Variants in ZNF438 observed in about 807,000 individuals in gnomAD.
ZNF438 encodes zinc finger protein 438.
Under a neutral mutation model 38.0 loss-of-function variants are expected in ZNF438, and 25 were observed. That is an observed-to-expected ratio of 0.66 (90% CI 0.48 to 0.92). The LOEUF is 0.92. Ranked by LOEUF, ZNF438 falls within the 40% of genes least tolerant of loss-of-function variation. The pLI is 0.00. For synonymous variants in ZNF438, 372 were observed against 364.1 expected (o/e 1.02, Z -0.25); for missense variants, 1,007 against 999.6 (o/e 1.01, Z -0.10).
chr10:31,013,331 TC>T (rs2055899223), intron 1 of ZNF438, among the ~76,000 whole-genome samples: 1 of 145,822 alleles, frequency 6.9e-6, no homozygotes, highest in African/African-American at 2.6e-5. Context: ...AAAAAAAAAA[TC>T]CCCAACTGCA....
intron 5 of ZNF438, among the ~76,000 whole-genome samples, chr10:30,846,082 T>C (rs1298070086): frequency 6.6e-6 from 1 of 152,242 alleles, no homozygotes; most frequent in Admixed American, 6.5e-5. Flanking sequence ...TTCTCCTTTT[T>C]CTTAGACATT....
chr10:30,878,521 C>T (rs1228892792), intron 3 of ZNF438, among the ~76,000 whole-genome samples: 3 of 152,110 alleles, frequency 2.0e-5, no homozygotes, highest in South Asian at 2.1e-4. Context: ...AGCATGACCT[C>T]GTTCTTCTTG....
At chr10:31,028,130 C>G (rs1199660678) in intron 1 of ZNF438, among the ~76,000 whole-genome samples, 1 of 151,786 alleles carries the variant, frequency 6.6e-6, no homozygotes. Context: ...ACCAGATCCC[C>G]TTTCTATGAC....
intron 2 of ZNF438, among the ~76,000 whole-genome samples, chr10:30,926,988 A>G (rs1210399366): frequency 6.6e-6 from 1 of 152,240 alleles, no homozygotes; most frequent in Non-Finnish European, 1.5e-5. Flanking sequence ...AAATAAGGAA[A>G]CAAAGAAATA....
At chr10:30,907,839 CTT>C (rs1480118743) in intron 3 of ZNF438, among the ~76,000 whole-genome samples, 1 of 151,874 alleles carries the variant, frequency 6.6e-6, no homozygotes, top group Non-Finnish European at 1.5e-5. Context: ...GCACTTTCAT[CTT>C]TATTATTTTC....
intron 3 of ZNF438, among the ~76,000 whole-genome samples, chr10:30,880,780 G>A (rs2039136039): frequency 6.6e-6 from 1 of 152,054 alleles, no homozygotes; most frequent in African/African-American, 2.4e-5. Flanking sequence ...CCAACAATAT[G>A]AGAATACGTC....
At chr10:30,874,114 G>GTATATATATATATATATATA (rs58422289) in intron 4 of ZNF438, among the ~76,000 whole-genome samples, 1 of 80,300 alleles carries the variant, frequency 1.2e-5, no homozygotes, top group Non-Finnish European at 2.3e-5. Flanking sequence ...GTGTGTGTGT[G>GTATATATATATATATATATA]TATATATATA....
At chr10:30,887,268 G>C (rs2040069712) in intron 3 of ZNF438, among the ~76,000 whole-genome samples, 3 of 152,178 alleles carry the variant, frequency 2.0e-5, no homozygotes, top group Non-Finnish European at 4.4e-5. Flanking sequence ...CAAAGGCTCT[G>C]GGCCATGCTT....
At chr10:30,972,968 A>T (rs889102498) in intron 1 of ZNF438, among the ~76,000 whole-genome samples, 9 of 152,202 alleles carry the variant, frequency 5.9e-5, no homozygotes, top group African/African-American at 9.7e-5. Flanking sequence ...CATCATCATC[A>T]TCATCATCTT....
chr10:30,975,176 T>C (rs774139774), intron 1 of ZNF438, among the ~76,000 whole-genome samples: 2 of 152,178 alleles, frequency 1.3e-5, no homozygotes, highest in Non-Finnish European at 2.9e-5. Context: ...CCTTCCCCAC[T>C]GTTTCCAAGA....
intron 1 of ZNF438, among the ~76,000 whole-genome samples, chr10:30,985,239 T>C (rs969905335): frequency 6.6e-6 from 1 of 152,132 alleles, no homozygotes; most frequent in African/African-American, 2.4e-5. Flanking sequence ...TGAATGAAGG[T>C]AGAAGAAATA....
chr10:31,023,323 A>T (rs1239071218), intron 1 of ZNF438, among the ~76,000 whole-genome samples: 4 of 152,168 alleles, frequency 2.6e-5, no homozygotes, highest in African/African-American at 4.8e-5. Context: ...ACACACTCCC[A>T]AAAGAGAAAA....
intron 1 of ZNF438, among the ~76,000 whole-genome samples, chr10:30,991,105 C>T (rs183736944): frequency 1.2e-3 from 188 of 152,282 alleles, no homozygotes; most frequent in Non-Finnish European, 1.9e-3. Context: ...CCCACCTTAC[C>T]TCCCCTGCAC....
At chr10:30,993,776 A>G (rs1390002516) in intron 1 of ZNF438, among the ~76,000 whole-genome samples, 1 of 152,244 alleles carries the variant, frequency 6.6e-6, no homozygotes, top group Non-Finnish European at 1.5e-5. Context: ...AGCCACAGGC[A>G]CCCAACTGTA....
chr10:30,946,393 C>A (rs1164465306), intron 1 of ZNF438, among the ~76,000 whole-genome samples: 1 of 152,142 alleles, frequency 6.6e-6, no homozygotes, highest in Admixed American at 6.5e-5. Context: ...AAACTACCAT[C>A]AGAGTGAACA....
chr10:30,979,186 G>A (rs2051803758), intron 1 of ZNF438, among the ~76,000 whole-genome samples: 1 of 152,186 alleles, frequency 6.6e-6, no homozygotes, highest in Admixed American at 6.5e-5. Context: ...TCACCCAACA[G>A]CTCTAATGGA....
At chr10:30,967,366 A>T (rs969704498) in intron 1 of ZNF438, among the ~76,000 whole-genome samples, 4 of 152,246 alleles carry the variant, frequency 2.6e-5, no homozygotes, top group African/African-American at 9.6e-5. Context: ...GAAATATTGT[A>T]GTTACAGTTA....
chr10:30,908,139 A>G (rs2042757472), intron 3 of ZNF438, among the ~76,000 whole-genome samples: 1 of 152,106 alleles, frequency 6.6e-6, no homozygotes. Flanking sequence ...GCATTTCCCA[A>G]ATTAGGAGTA....
intron 2 of ZNF438, among the ~76,000 whole-genome samples, chr10:30,930,825 A>AAAAAAAAAAAAAAAAAAAAAAC (rs2045592210): frequency 8.5e-6 from 1 of 117,756 alleles, no homozygotes; most frequent in Non-Finnish European, 1.8e-5. Flanking sequence ...AAAAAAAAAA[A>AAAAAAAAAAAAAAAAAAAAAAC]AAAAAAAAAG....
Sources: gnomAD v4.1 joint callset for allele counts (sites outside exome capture counted in the v4.1 genomes callset) on GRCh38, gnomAD v4.1.1 for gene constraint, MANE v1.5 for transcripts, NCBI Gene and HGNC (gene_info 2026-07-23, HGNC 2026-07-21) for gene names.